Variants in TPD52L2 observed in about 807,000 individuals in gnomAD.
TPD52L2 encodes the protein TPD52 like 2, also known as tumor protein D54.
In TPD52L2, 19 loss-of-function variants were observed where a neutral mutation model predicts 24.7. That is an observed-to-expected ratio of 0.77 (90% CI 0.54 to 1.13). The LOEUF is 1.13. Ranked by LOEUF, TPD52L2 falls within the 50% of genes most tolerant of loss-of-function variation. TPD52L2 has a pLI of 0.00. For missense variants in TPD52L2, 236 were observed against 250.4 expected (o/e 0.94, Z 0.39); for synonymous variants, 104 against 100.2 (o/e 1.04, Z -0.23).
intron 1 of TPD52L2, among the ~76,000 whole-genome samples, chr20:63,866,265 C>T (rs1354965595): frequency 6.6e-6 from 1 of 151,908 alleles, no homozygotes; most frequent in African/African-American, 2.4e-5. Context: ...CCACCAGGCC[C>T]AGCTAATTTT....
chr20:63,873,921 C>T lies in TPD52L2; in HGVS notation c.314+105C>T, dbSNP rs1374322576. Reference sequence around the variant, plus strand: ...GTCATGCCCAGGGACGAGTTGCAGCCGTGGAGTTGAGTGGCCTGTTTGGAA... The same window carrying T: ...GTCATGCCCAGGGACGAGTTGCAGCTGTGGAGTTGAGTGGCCTGTTTGGAA... On this transcript the variant is annotated intron_variant, in intron 3 of 6. Transcript: ENST00000346249. The T allele has an allele frequency of 9.9e-6, 13 of 1,315,632 alleles. No homozygotes were observed. The South Asian group carries it at 1.6e-4, about 16-fold the overall frequency. 81.5% of individuals were successfully genotyped at this position (1,315,632 alleles called of 1,614,324 possible). A position where few individuals can be genotyped will look rare whatever the true frequency, so the allele number is the denominator to read the frequency against.
chr20:63,876,754 T>A (rs770169247), intron 4 of TPD52L2: 26 of 455,706 alleles, frequency 5.7e-5, no homozygotes, highest in South Asian at 4.0e-4. Context: ...CCTTTGCGTC[T>A]GGTGTCACGG....
rs779741479 is a variant in TPD52L2, at chr20:63,873,799, C to T, written c.297C>T (p.Asp99=). 12 of 1,570,268 alleles carry T rather than the reference C, an allele frequency of 7.6e-6. No homozygotes were observed. Among genetic ancestry groups the T allele is most frequent in the African/African-American group, 1.4e-5 (1 of 72,616 alleles). The change falls in exon 3 of 7, where the codon GAC becomes GAT. Residue 99 remains aspartate (D), a synonymous_variant. Transcript: ENST00000346249. The part of the protein sequence containing the change: ...LKQNLSRSWH[D]VQVSSAYVKT... ...AGAACCTGTCCAGGAGCTGGCATGA[C>T]GTGCAGGTCTCTAGCGCGTAGGTAC...
chr20:63,865,387 AC>A lies in TPD52L2; in HGVS notation c.19+5del. 1 of 1,529,230 alleles carries A rather than the reference AC, an allele frequency of 6.5e-7. No homozygotes were observed. The highest frequency in any genetic ancestry group is 8.7e-7 in the Non-Finnish European group (1 of 1,143,538). The allele number at this position is 1,529,230 out of a possible 1,614,324, so 94.7% of individuals were successfully genotyped here. A position where few individuals can be genotyped will look rare whatever the true frequency, so the allele number is the denominator to read the frequency against. On this transcript the variant is annotated splice_donor_region_variant and intron_variant, in intron 1 of 6. Transcript: ENST00000346249. Reference sequence around the variant, plus strand: ...GAACATGGACTCCGCCGGCCAAGGTACCTGCCGGGCCCGGCCCCTTCGCCGC... The same window carrying A: ...GAACATGGACTCCGCCGGCCAAGGTACTGCCGGGCCCGGCCCCTTCGCCGC...
intron 5 of TPD52L2, chr20:63,886,073 G>A: frequency 6.2e-7 from 1 of 1,612,780 alleles, no homozygotes; most frequent in East Asian, 2.2e-5. Context: ...ACCTGTGGAA[G>A]ACTTTTCTCT....
chr20:63,867,945 CT>C (rs200842956), intron 1 of TPD52L2, among the ~76,000 whole-genome samples: 17 of 142,826 alleles, frequency 1.2e-4, no homozygotes, highest in South Asian at 2.2e-4. Context: ...ACCAGTTTTT[CT>C]TTTTTTTTTT....
At position 63,871,853 on chromosome 20, in the gene TPD52L2, C is replaced by T. The variant is rs1196644294; in HGVS notation, c.166-1815C>T. Among the ~76,000 whole-genome samples, 6 of 151,910 alleles carry T rather than the reference C, an allele frequency of 3.9e-5. No homozygotes were observed. The East Asian group carries it at 9.7e-4, about 24-fold the overall frequency. ...TTCATCATATTGGTCAGGCTGGTCTCGGACTCCTGACCTCAGGTGATCTGC... is the reference window on the plus strand; with the variant it reads ...TTCATCATATTGGTCAGGCTGGTCTTGGACTCCTGACCTCAGGTGATCTGC... On this transcript the variant is annotated intron_variant, in intron 2 of 6. Coordinates refer to ENST00000346249, the MANE Select transcript of TPD52L2 (RefSeq NM_003288.4).
At chr20:63,874,961 G>A (rs1182717738) in intron 3 of TPD52L2, among the ~76,000 whole-genome samples, 2 of 151,930 alleles carry the variant, frequency 1.3e-5, no homozygotes, top group East Asian at 1.9e-4. Flanking sequence ...CCAACATGGA[G>A]AAACCCTGTC....
In TPD52L2 at chr20:63,882,539, C is replaced by T. The variant is rs537379190; in HGVS notation, c.375-180C>T. ...ACAGGCGGCTCCTCGCCGCAGGGGC[C>T]TCTGGGGGCCGAGGGGCTCTGGGCC... On this transcript the variant is annotated intron_variant, in intron 4 of 6. Coordinates refer to ENST00000346249, the MANE Select transcript of TPD52L2 (RefSeq NM_003288.4). Among the ~76,000 whole-genome samples, 10 of 152,360 alleles carry T rather than the reference C, an allele frequency of 6.6e-5. No individual in the cohort carries two copies. In the East Asian group the frequency reaches 1.9e-3, roughly 29 times the overall value.
intron 5 of TPD52L2, among the ~76,000 whole-genome samples, chr20:63,886,424 G>T (rs1054612398): frequency 6.6e-6 from 1 of 151,476 alleles, no homozygotes; most frequent in Admixed American, 6.6e-5. Flanking sequence ...GCCGTGGCGC[G>T]ATCTCGGCTC....
intron 5 of TPD52L2, among the ~76,000 whole-genome samples, chr20:63,885,211 C>T (rs537858219): frequency 3.3e-5 from 5 of 152,350 alleles, no homozygotes; most frequent in South Asian, 2.1e-4. Context: ...AGGGCAGCCC[C>T]GGTCTGTGAG....
chr20:63,880,747 C>T (rs570293664), intron 4 of TPD52L2, among the ~76,000 whole-genome samples: 7 of 152,002 alleles, frequency 4.6e-5, no homozygotes, highest in South Asian at 2.1e-4. Flanking sequence ...AAAAATTAGC[C>T]GGATGTGGTG....
chr20:63,889,878 G>C lies in TPD52L2; in HGVS notation c.554G>C (p.Gly185Ala). The change falls in exon 7 of 7, where the codon GGC (glycine) becomes GCC (alanine). Residue 185 changes from glycine to alanine, a missense_variant. Coordinates refer to ENST00000346249, the MANE Select transcript of TPD52L2 (RefSeq NM_003288.4). ...KSKVVGDREN[G>A]SDNLPSSAGS... The stretch of plus-strand genomic sequence containing the variant: ...AAGGTTGTGGGTGACAGAGAGAACG[G>C]CAGTGACAACCTCCCTTCCTCAGCG... The C allele has an allele frequency of 6.2e-7, 1 of 1,614,186 alleles. No homozygotes were observed. Among genetic ancestry groups the C allele is most frequent in the Non-Finnish European group, 8.5e-7 (1 of 1,180,038 alleles).
At chr20:63,886,719 A>T (rs537416941) in intron 5 of TPD52L2, among the ~76,000 whole-genome samples, 114 of 145,600 alleles carry the variant, frequency 7.8e-4, no homozygotes, top group African/African-American at 2.8e-3. Context: ...ATCTCGGCTC[A>T]CTGCAACCTC....
Position 63,873,827 on chromosome 20 carries a change from G to T in TPD52L2, c.314+11G>T, listed in dbSNP as rs199595389. The T allele has an allele frequency of 4.2e-4, 635 of 1,507,836 alleles. 3 individuals are homozygous for T. In the African/African-American group the frequency reaches 6.4e-3, roughly 15 times the overall value. 93.4% of individuals were successfully genotyped at this position (1,507,836 alleles called of 1,614,324 possible). Reference sequence around the variant, plus strand: ...GCAGGTCTCTAGCGCGTAGGTACCTGCCCCAGGCGCACCCCTGGGGGCTGA... The same window carrying T: ...GCAGGTCTCTAGCGCGTAGGTACCTTCCCCAGGCGCACCCCTGGGGGCTGA... On this transcript the variant is annotated intron_variant, in intron 3 of 6. Transcript: ENST00000346249.
At position 63,883,840 on chromosome 20, in the gene TPD52L2, G is replaced by C. The variant is rs888682744; in HGVS notation, c.476+1020G>C. 3.7e-5 allele frequency among the ~76,000 whole-genome samples: 5 copies of C among 136,398 alleles called. No individual in the cohort carries two copies. In the Admixed American group the frequency reaches 3.9e-4, roughly 11 times the overall value. The allele number at this position is 136,398 out of a possible 152,430, so 89.5% of individuals were successfully genotyped here. A position where few individuals can be genotyped will look rare whatever the true frequency, so the allele number is the denominator to read the frequency against. The stretch of plus-strand genomic sequence containing the variant: ...GGGCTGCCTGCCTGCCTGCCTGCCT[G>C]CCTCCCTGCCTGCCTGCCTTAGGTT... On this transcript the variant is annotated intron_variant, in intron 5 of 6. Transcript: ENST00000346249.
chr20:63,866,088 A>ATTTCTTTCTTTCTTTCTTTC (rs376658976), intron 1 of TPD52L2, among the ~76,000 whole-genome samples: 47 of 151,698 alleles, frequency 3.1e-4, no homozygotes, highest in African/African-American at 1.1e-3. Context: ...GGGATGCTAA[A>ATTTCTTTCTTTCTTTCTTTC]TTTCTTTCTT....
Position 63,877,092 on chromosome 20 carries a change from C to T in TPD52L2, c.374+1217C>T, listed in dbSNP as rs775026888. ...CCAGGCTGGAGTGCAGTGGCGCCAT[C>T]TGGGCTCACTGCAAGCTCCGCCTCC... On this transcript the variant is annotated intron_variant, in intron 4 of 6. Transcript: ENST00000346249. This position sits in a 1 kb window ranked among gnomAD's most constrained non-coding sequence, Gnocchi z 4.1. 7.3e-6 allele frequency: 3 copies of T among 409,728 alleles called. No homozygotes were observed. Among genetic ancestry groups the T allele is most frequent in the Non-Finnish European group, 4.8e-6 (1 of 207,460 alleles). 25.4% of individuals were successfully genotyped at this position (409,728 alleles called of 1,614,324 possible).
chr20:63,888,343 T>G (rs1411950924), intron 5 of TPD52L2: 2 of 152,706 alleles, frequency 1.3e-5, no homozygotes, highest in Non-Finnish European at 2.9e-5. Context: ...CTGAGAGATG[T>G]GCATGAAGAA....
Sources: allele counts gnomAD v4.1 joint callset (sites outside exome capture counted in the v4.1 genomes callset), GRCh38; gene constraint gnomAD v4.1.1; non-coding constraint Gnocchi (gnomAD v3.1); transcripts MANE v1.5; gene names NCBI Gene and HGNC (gene_info 2026-07-23, HGNC 2026-07-21).